GRM8: variants seen among roughly 807,000 people sequenced by gnomAD.
GRM8 encodes glutamate metabotropic receptor 8.
In GRM8, 47 loss-of-function variants were observed where a neutral mutation model predicts 87.2. That is an observed-to-expected ratio of 0.54 (90% CI 0.43 to 0.69). The LOEUF is 0.69. Among genes scored for constraint, GRM8 ranks in the 30% least tolerant of loss-of-function variants. The pLI is 0.00. For missense variants in GRM8, 1,019 were observed against 1,139.2 expected, an observed-to-expected ratio of 0.89 and a Z score of 1.52; for synonymous variants, 396 against 404.5, an observed-to-expected ratio of 0.98 and a Z score of 0.25.
At chr7:126,858,875 T>C (rs896548637) in intron 6 of GRM8, among the ~76,000 whole-genome samples, 2 of 152,210 alleles carry the variant, frequency 1.3e-5, no homozygotes, top group Non-Finnish European at 2.9e-5. Flanking sequence ...TGACACTCCT[T>C]TCTGTTCCTT....
intron 6 of GRM8, among the ~76,000 whole-genome samples, chr7:126,862,973 T>C (rs1204515): frequency 0.22 from 33,423 of 151,974 alleles, 4,195 homozygotes; most frequent in East Asian, 0.5. Flanking sequence ...TTGTGCTTCT[T>C]CTTGTATGCT....
At chr7:126,676,397 AAAAG>A (rs1806961070) in intron 7 of GRM8, among the ~76,000 whole-genome samples, 1 of 152,202 alleles carries the variant, frequency 6.6e-6, no homozygotes, top group African/African-American at 2.4e-5. Flanking sequence ...TGGAACCAAA[AAAAG>A]AGCCTGAATA....
chr7:126,930,622 A>T (rs1805664481), intron 3 of GRM8, among the ~76,000 whole-genome samples: 1 of 152,194 alleles, frequency 6.6e-6, no homozygotes. Flanking sequence ...CCATCATCCT[A>T]TCAGCCTAAT....
At chr7:126,807,422 T>TTTCTTCACTAAAAC (rs1161983064) in intron 6 of GRM8, among the ~76,000 whole-genome samples, 1 of 152,172 alleles carries the variant, frequency 6.6e-6, no homozygotes, top group African/African-American at 2.4e-5. Flanking sequence ...GAAATTCTGA[T>TTTCTTCACTAAAAC]TTCTTCACTA....
chr7:126,876,769 C>T (rs549527668), intron 6 of GRM8, among the ~76,000 whole-genome samples: 5 of 152,108 alleles, frequency 3.3e-5, no homozygotes, highest in African/African-American at 7.2e-5. Context: ...AGTACTTATT[C>T]GTAGAATTGC....
At chr7:127,028,704 A>G (rs1449552468) in intron 3 of GRM8, among the ~76,000 whole-genome samples, 1 of 151,910 alleles carries the variant, frequency 6.6e-6, no homozygotes, top group Admixed American at 6.6e-5. Flanking sequence ...TTTTTATTGC[A>G]TCTATTTGAT....
At chr7:126,535,214 A>G (rs1173191672) in intron 8 of GRM8, among the ~76,000 whole-genome samples, 1 of 152,204 alleles carries the variant, frequency 6.6e-6, no homozygotes, top group Non-Finnish European at 1.5e-5. Context: ...CACTTTGAAT[A>G]GGGCTAGTCT....
intron 3 of GRM8, among the ~76,000 whole-genome samples, chr7:127,041,043 T>G (rs1445550169): frequency 2.0e-5 from 3 of 152,182 alleles, no homozygotes. Context: ...CGCATTGAAT[T>G]AGAGTTTTAT....
At chr7:127,120,817 T>G (rs1394128972) in intron 2 of GRM8, among the ~76,000 whole-genome samples, 1 of 152,222 alleles carries the variant, frequency 6.6e-6, no homozygotes, top group Non-Finnish European at 1.5e-5. Context: ...ATTAGAAATT[T>G]CTTTTCAAAA....
chr7:127,065,959 C>A (rs1205991418), intron 3 of GRM8, among the ~76,000 whole-genome samples: 1 of 152,206 alleles, frequency 6.6e-6, no homozygotes, highest in Non-Finnish European at 1.5e-5. Context: ...TCATTGAAAT[C>A]ATTCACGATT....
At chr7:126,517,726 C>T (rs1812386566) in intron 9 of GRM8, among the ~76,000 whole-genome samples, 3 of 151,892 alleles carry the variant, frequency 2.0e-5, no homozygotes, top group Admixed American at 1.3e-4. Context: ...CTTCATAGAG[C>T]TCCTGGATAA....
chr7:126,680,933 C>T (rs1394368731), intron 7 of GRM8, among the ~76,000 whole-genome samples: 2 of 152,142 alleles, frequency 1.3e-5, no homozygotes, highest in Non-Finnish European at 2.9e-5. Context: ...TATGTATTCA[C>T]CTGTGTATCA....
chr7:126,605,104 C>A (rs1798220407), intron 8 of GRM8, among the ~76,000 whole-genome samples: 1 of 151,984 alleles, frequency 6.6e-6, no homozygotes, highest in African/African-American at 2.4e-5. Context: ...TATTTTTGGC[C>A]CATACAGCAT....
intron 7 of GRM8, among the ~76,000 whole-genome samples, chr7:126,703,815 G>A (rs1016929552): frequency 3.9e-5 from 6 of 152,062 alleles, no homozygotes; most frequent in African/African-American, 1.2e-4. Flanking sequence ...TCCAGCCTTG[G>A]CCCCCCAGCG....
intron 7 of GRM8, among the ~76,000 whole-genome samples, chr7:126,668,281 C>A (rs1806009886): frequency 6.6e-6 from 1 of 152,168 alleles, no homozygotes; most frequent in South Asian, 2.1e-4. Context: ...GTAGGACGGA[C>A]AAGGACCCCA....
chr7:126,741,401 T>C lies in GRM8; in HGVS notation c.1357+28464A>G, dbSNP rs139483262. On this transcript the variant is annotated intron_variant, in intron 7 of 10. Transcript: ENST00000339582. ...ATCATATTCTCCAAGCATTTGGTTT[T>C]CCACTGGGAGGACTGTCACACAATA... is the stretch of plus-strand genomic sequence containing the variant. Among the ~76,000 whole-genome samples the C allele has an allele frequency of 7.2e-5, 11 of 152,256 alleles. No homozygotes were observed. In the East Asian group the frequency reaches 1.9e-3, roughly 27 times the overall value.
At chr7:126,983,099 G>T (rs1001966051) in intron 3 of GRM8, among the ~76,000 whole-genome samples, 2 of 151,870 alleles carry the variant, frequency 1.3e-5, no homozygotes, top group African/African-American at 2.4e-5. Context: ...GGTAGGAGGA[G>T]CCCAAAGTGT....
rs150959844 is a variant in GRM8, at chr7:126,921,129, A to G, written c.728-16446T>C. Among the ~76,000 whole-genome samples, 389 of 152,304 alleles carry G rather than the reference A, an allele frequency of 2.6e-3. 1 individual carries two copies. Among genetic ancestry groups the G allele is most frequent in the African/African-American group, 8.4e-3 (350 of 41,578 alleles). The stretch of plus-strand genomic sequence containing the variant: ...GAGGTAAACTTAGAGGACAAGAAAT[A>G]AGACATACATAGATAACTTCAAGAT... On this transcript the variant is annotated intron_variant, in intron 3 of 10. Coordinates refer to ENST00000339582, the MANE Select transcript of GRM8 (RefSeq NM_000845.3).
chr7:127,137,663 G>C (rs942664506), intron 2 of GRM8, among the ~76,000 whole-genome samples: 11 of 151,596 alleles, frequency 7.3e-5, no homozygotes, highest in Admixed American at 7.2e-4. Context: ...CCATTGTTTT[G>C]CCATCTTTGG....
Sources: allele counts gnomAD v4.1 joint callset (sites outside exome capture counted in the v4.1 genomes callset), GRCh38; gene constraint gnomAD v4.1.1; transcripts MANE v1.5; gene names NCBI Gene and HGNC (gene_info 2026-07-23, HGNC 2026-07-21).